Variants in SCN11A observed in about 807,000 individuals in gnomAD.
The protein encoded by SCN11A is sodium channel protein type 11 subunit alpha.
Under a neutral mutation model 162.2 loss-of-function variants are expected in SCN11A, and 122 were observed. The ratio of observed to expected loss-of-function variants is 0.75; its 90% CI spans 0.65 to 0.87. The LOEUF (loss-of-function observed/expected upper bound fraction) is 0.87. Among genes scored for constraint, SCN11A ranks in the 40% least tolerant of loss-of-function variants. SCN11A has a pLI of 0.00. For synonymous variants in SCN11A, 758 were observed against 751.5 expected (o/e 1.01, Z -0.14); for missense variants, 2,015 against 2,181.6 (o/e 0.92, Z 1.52).
chr3:38,950,690 C>G (rs918620522), intron 4 of SCN11A: 5 of 321,144 alleles, frequency 1.6e-5, no homozygotes, highest in Non-Finnish European at 3.0e-5. Context: ...AGACATTAAG[C>G]AAGACAATAA....
At chr3:39,033,637 G>A (rs183117472) in intron 1 of SCN11A, among the ~76,000 whole-genome samples, 20 of 152,290 alleles carry the variant, frequency 1.3e-4, no homozygotes, top group Admixed American at 6.5e-4. Context: ...CTTAGGTCAT[G>A]GCACATGGCT....
intron 7 of SCN11A, among the ~76,000 whole-genome samples, chr3:38,944,959 G>A (rs1215968133): frequency 6.9e-6 from 1 of 145,362 alleles, no homozygotes; most frequent in Admixed American, 6.7e-5. Flanking sequence ...GCAAAACCCT[G>A]TCTCAAAAAA....
At chr3:38,903,750 G>A (rs557730520) in intron 16 of SCN11A, 115 bp downstream of exon 16, 3 of 731,390 alleles carry the variant, frequency 4.1e-6, no homozygotes, top group African/African-American at 3.6e-5. Context: ...TCACTCCACT[G>A]AAGGGGACCA....
chr3:38,974,880 C>T (rs1469336781), intron 2 of SCN11A, among the ~76,000 whole-genome samples: 2 of 150,072 alleles, frequency 1.3e-5, no homozygotes, highest in Non-Finnish European at 3.0e-5. Flanking sequence ...TCAATAAATC[C>T]AAAGTGAAAT....
At chr3:39,050,452 T>A (rs760791070) in intron 1 of SCN11A, among the ~76,000 whole-genome samples, 6 of 152,244 alleles carry the variant, frequency 3.9e-5, no homozygotes, top group Non-Finnish European at 7.3e-5. Flanking sequence ...AATATTTTGT[T>A]AAATGAATGA....
intron 26 of SCN11A, among the ~76,000 whole-genome samples, 193 bp downstream of exon 26, chr3:38,870,498 T>A (rs934067938): frequency 6.6e-6 from 1 of 152,222 alleles, no homozygotes; most frequent in African/African-American, 2.4e-5. Context: ...TACTGGGGTA[T>A]CAGATACTCA....
chr3:39,007,179 A>G (rs1383434835), intron 2 of SCN11A, among the ~76,000 whole-genome samples: 1 of 152,188 alleles, frequency 6.6e-6, no homozygotes, highest in Non-Finnish European at 1.5e-5. Flanking sequence ...AAGAAAGAGA[A>G]AATACTTGTG....
chr3:38,850,620 G>C lies in SCN11A; in HGVS notation c.4188C>G (p.Ser1396=). The part of the protein sequence containing the change: ...ESYNQPKAMK[S]ILDHLNWVFV... Reference sequence around the variant, plus strand: ...AGACCCAGTTGAGATGGTCAAGGATGGATTTCATGGCTTTGGGTTGGTTGT... The same window carrying C: ...AGACCCAGTTGAGATGGTCAAGGATCGATTTCATGGCTTTGGGTTGGTTGT... Residue 1396 remains serine (S), a synonymous_variant, in exon 29 of 30, where the codon TCC becomes TCG. Coordinates refer to ENST00000302328, the MANE Select transcript of SCN11A (RefSeq NM_001349253.2). The C allele has an allele frequency of 6.2e-7, 1 of 1,613,968 alleles. No homozygotes were observed. The highest frequency in any genetic ancestry group is 8.5e-7 in the Non-Finnish European group (1 of 1,179,892).
chr3:38,894,381 C>A (rs2065549968), intron 19 of SCN11A, 152 bp downstream of exon 19: 3 of 681,406 alleles, frequency 4.4e-6, no homozygotes, highest in Admixed American at 4.9e-5. Flanking sequence ...CAATAAAGAA[C>A]CTGTCCTGAG....
intron 16 of SCN11A, 127 bp from the exon 17 acceptor site, chr3:38,900,200 A>G: frequency 2.9e-6 from 2 of 698,196 alleles, no homozygotes; most frequent in Non-Finnish European, 4.8e-6. Context: ...ACTATACCCT[A>G]AAGTCCATGC....
At chr3:38,990,783 G>A (rs1242367044) in intron 2 of SCN11A, among the ~76,000 whole-genome samples, 5 of 152,114 alleles carry the variant, frequency 3.3e-5, no homozygotes, top group Non-Finnish European at 4.4e-5. Context: ...TAAGAAACTC[G>A]GCACAGGTCA....
chr3:38,976,704 C>A (rs2066852012), intron 2 of SCN11A, among the ~76,000 whole-genome samples: 1 of 152,154 alleles, frequency 6.6e-6, no homozygotes, highest in South Asian at 2.1e-4. Context: ...TCACCCCACT[C>A]CAAAGCTCCA....
Position 38,847,143 on chromosome 3 carries a change from ATTTGATAAATTGTG to A in SCN11A, c.4913_4926del (p.Thr1638IlefsTer6). ...TCAGCAAAGTCAGAAAGGGCAGAAT[ATTTGATAAATTGTG>A]TTGCTTCTGGGTCAAACTTTTCCCA... On this transcript the variant is annotated frameshift_variant, in exon 30 of 30. Transcript: ENST00000302328. LOFTEE classifies it low-confidence loss of function (END_TRUNC). The A allele has an allele frequency of 4.3e-6, 7 of 1,614,224 alleles. No individual in the cohort carries two copies. The highest frequency in any genetic ancestry group is 5.9e-6 in the Non-Finnish European group (7 of 1,180,042).
chr3:38,847,693 C>T lies in SCN11A; in HGVS notation c.4377G>A (p.Pro1459=), dbSNP rs140190117. 9 of 1,612,642 alleles carry T rather than the reference C, an allele frequency of 5.6e-6. No homozygotes were observed. Among genetic ancestry groups the T allele is most frequent in the South Asian group, 2.2e-5 (2 of 90,998 alleles). ...CCAAGCGGACAATTCTGAAGAGCGTCGGAGGGAAAGGAATGTGCTCCTGAT... is the reference window on the plus strand; with the variant it reads ...CCAAGCGGACAATTCTGAAGAGCGTTGGAGGGAAAGGAATGTGCTCCTGAT... ...LENQEHIPFP[P]TLFRIVRLAR... is the part of the protein sequence containing the mutation. Residue 1459 remains proline (P), a synonymous_variant, in exon 30 of 30, where the codon CCG becomes CCA. Transcript: ENST00000302328.
At position 38,921,260 on chromosome 3, in the gene SCN11A, GA is replaced by G. The variant is rs1264191293; in HGVS notation, c.713-6del. On this transcript the variant is annotated splice_polypyrimidine_tract_variant and splice_region_variant and intron_variant, in intron 9 of 29. Coordinates refer to ENST00000302328, the MANE Select transcript of SCN11A (RefSeq NM_001349253.2). ...CCCCCACGATGACCTTCAGACCTGA[GA>G]AAGAGGACAGGCTTGGGGAGAAGCC... The G allele has an allele frequency of 6.2e-7, 1 of 1,613,238 alleles. No homozygotes were observed. Among genetic ancestry groups the G allele is most frequent in the Non-Finnish European group, 8.5e-7 (1 of 1,179,646 alleles).
At chr3:38,947,500 G>A (rs1311439398) in intron 5 of SCN11A, among the ~76,000 whole-genome samples, 1 of 152,194 alleles carries the variant, frequency 6.6e-6, no homozygotes, top group Non-Finnish European at 1.5e-5. Context: ...GAAGGCATTT[G>A]GAAATGTGTG....
At chr3:38,931,440 T>C (rs1210530665) in intron 7 of SCN11A, among the ~76,000 whole-genome samples, 2 of 152,306 alleles carry the variant, frequency 1.3e-5, no homozygotes, top group African/African-American at 4.8e-5. Flanking sequence ...TAAAGGAGAA[T>C]AGATGTGTAC....
Position 38,850,734 on chromosome 3 carries a change from G to A in SCN11A, c.4074C>T (p.Leu1358=), listed in dbSNP as rs149652605. 3.2e-5 allele frequency: 52 copies of A among 1,606,176 alleles called. No homozygotes were observed. The highest frequency in any genetic ancestry group is 4.0e-5 in the African/African-American group (3 of 74,706). The change falls in exon 29 of 30, where the codon CTC becomes CTT. Residue 1358 remains leucine (L), a synonymous_variant. Transcript: ENST00000302328. ...IPRPLNKCQG[L]VFDIVTSQIF... is the part of the protein sequence containing the mutation. ...TCTGGCTTGTGACTATGTCGAACACGAGACCTTGACATTTGTTCTGAGAAA... is the reference window on the plus strand; with the variant it reads ...TCTGGCTTGTGACTATGTCGAACACAAGACCTTGACATTTGTTCTGAGAAA...
chr3:38,968,617 T>C (rs2066797962), intron 2 of SCN11A, among the ~76,000 whole-genome samples: 1 of 152,072 alleles, frequency 6.6e-6, no homozygotes, highest in Non-Finnish European at 1.5e-5. Flanking sequence ...CACACACACA[T>C]ATGCTTACAC....
Sources: allele counts gnomAD v4.1 joint callset (sites outside exome capture counted in the v4.1 genomes callset), GRCh38; gene constraint gnomAD v4.1.1; transcripts MANE v1.5; gene names NCBI Gene and HGNC (gene_info 2026-07-23, HGNC 2026-07-21).